DNAH14: variants seen among roughly 807,000 people sequenced by gnomAD.
DNAH14 encodes axonemal beta dynein heavy chain 14.
Under a neutral mutation model 520.9 loss-of-function variants are expected in DNAH14, and 478 were observed. The ratio of observed to expected loss-of-function variants is 0.92; its 90% CI spans 0.85 to 0.99. The LOEUF (loss-of-function observed/expected upper bound fraction) is 0.99. Among genes scored for constraint, DNAH14 ranks in the 50% least tolerant of loss-of-function variants. DNAH14 has a pLI of 0.00. For synonymous variants in DNAH14, 1,581 were observed against 1,757.2 expected (o/e 0.90, Z 2.51); for missense variants, 4,831 against 5,234.5 (o/e 0.92, Z 2.38).
Position 225,151,985 on chromosome 1 carries a change from A to C in DNAH14, c.4941-20A>C. 6 of 1,545,696 alleles carry C rather than the reference A, an allele frequency of 3.9e-6. No homozygotes were observed. Among genetic ancestry groups the C allele is most frequent in the Non-Finnish European group, 5.3e-6 (6 of 1,141,532 alleles). ...ACTAGAGAAAACAGTGCTAGTGATG[A>C]ATACTGTAATGTCTTTTAGGTTTGT... On this transcript the variant is annotated intron_variant, in intron 31 of 85. Transcript: ENST00000682510.
At chr1:225,086,373 A>T (rs1410121898) in intron 21 of DNAH14, among the ~76,000 whole-genome samples, 1 of 151,850 alleles carries the variant, frequency 6.6e-6, no homozygotes, top group Admixed American at 6.6e-5. Context: ...TGACCTCATG[A>T]TCTGCCCACC....
At chr1:225,396,814 A>C (rs1461072198) in intron 84 of DNAH14, 1 of 152,200 alleles carries the variant, frequency 6.6e-6, no homozygotes, top group Non-Finnish European at 1.5e-5. Flanking sequence ...TTTTCAGAGG[A>C]AAAACCCATG....
chr1:225,273,195 G>C (rs1181161344), intron 52 of DNAH14, 70 bp downstream of exon 52: 2 of 1,425,404 alleles, frequency 1.4e-6, no homozygotes, highest in Non-Finnish European at 9.3e-7. Flanking sequence ...CACTTTGGGA[G>C]GCCGAAGCGG....
At position 225,244,883 on chromosome 1, in the gene DNAH14, T is replaced by A. The variant is rs183475728; in HGVS notation, c.6748+4061T>A. 1.2e-4 allele frequency among the ~76,000 whole-genome samples: 19 copies of A among 152,276 alleles called. No individual in the cohort carries two copies. In the East Asian group the frequency reaches 3.7e-3, roughly 29 times the overall value. On this transcript the variant is annotated intron_variant, in intron 43 of 85. Transcript: ENST00000682510. ...CTCTGATCTTAGTTATTTCTTGTCT[T>A]CTGCTAGCTTTTGAATTTGTTTGCT...
Position 225,235,430 on chromosome 1 carries a change from G to A in DNAH14, c.6518+4279G>A, listed in dbSNP as rs633799. 2.6e-3 allele frequency among the ~76,000 whole-genome samples: 390 copies of A among 152,170 alleles called. 2 individuals are homozygous for A. The highest frequency in any genetic ancestry group is 8.6e-3 in the African/African-American group (359 of 41,528). The stretch of plus-strand genomic sequence containing the variant: ...TGGATAAGCTTTTTGATGTACTGCT[G>A]GATTTGGTTTGCCAGTATTTTTTTT... On this transcript the variant is annotated intron_variant, in intron 42 of 85. Transcript: ENST00000682510.
rs569388539 is a variant in DNAH14 at position 225,217,206 on chromosome 1, C to CTGCAGAACAGCAAATAT, written c.6439+10002_6439+10018dup. On this transcript the variant is annotated intron_variant, in intron 41 of 85. Transcript: ENST00000682510. Reference sequence around the variant, plus strand: ...TTTGCCTGGGTATCACCAGCGGAGGCTGCAGAACAGCAAATATTGCAGAAC... The same window carrying CTGCAGAACAGCAAATAT: ...TTTGCCTGGGTATCACCAGCGGAGGCTGCAGAACAGCAAATATTGCAGAACAGCAAATATTGCAGAAC... Among the ~76,000 whole-genome samples, 437 of 152,316 alleles carry CTGCAGAACAGCAAATAT rather than the reference C, an allele frequency of 2.9e-3. 1 individual carries two copies. The highest frequency in any genetic ancestry group is 6.8e-3 in the Middle Eastern group (2 of 294).
At chr1:225,219,843 G>T (rs1235956255) in intron 41 of DNAH14, among the ~76,000 whole-genome samples, 2 of 152,132 alleles carry the variant, frequency 1.3e-5, no homozygotes, top group Admixed American at 1.3e-4. Flanking sequence ...AAACCTGGCA[G>T]AGATGCAGAA....
At chr1:225,345,350 T>C (rs2150415712) in intron 69 of DNAH14, among the ~76,000 whole-genome samples, 1 of 152,184 alleles carries the variant, frequency 6.6e-6, no homozygotes, top group Non-Finnish European at 1.5e-5. Flanking sequence ...AAAAAGCAGT[T>C]GAGGAAAATG....
chr1:225,035,963 A>T (rs537187249), intron 11 of DNAH14, among the ~76,000 whole-genome samples: 1 of 152,080 alleles, frequency 6.6e-6, no homozygotes. Flanking sequence ...ATTGGGGTTT[A>T]TCTTTCCCTT....
intron 41 of DNAH14, among the ~76,000 whole-genome samples, chr1:225,222,201 C>T (rs116649098): frequency 0.047 from 7,119 of 152,224 alleles, 510 homozygotes; most frequent in African/African-American, 0.16. Flanking sequence ...AAAGAGACTG[C>T]GCTGTCAGTA....
At chr1:225,297,961 C>T (rs1002749959) in intron 55 of DNAH14, among the ~76,000 whole-genome samples, 1 of 151,610 alleles carries the variant, frequency 6.6e-6, no homozygotes, top group Admixed American at 6.6e-5. Context: ...GGGGGATGTA[C>T]CACAGGGCTG....
intron 8 of DNAH14, among the ~76,000 whole-genome samples, chr1:224,981,939 T>C (rs1022576835): frequency 6.6e-6 from 1 of 152,176 alleles, no homozygotes; most frequent in African/African-American, 2.4e-5. Flanking sequence ...ACATAACTTA[T>C]AATAATTGAA....
chr1:225,289,292 T>A (rs929754901), intron 54 of DNAH14, among the ~76,000 whole-genome samples: 1 of 152,110 alleles, frequency 6.6e-6, no homozygotes. Context: ...GAGAGTTGGA[T>A]GGTGATTGAC....
At chr1:225,042,711 T>C in intron 12 of DNAH14, 124 bp from the exon 13 acceptor site, 1 of 1,016,998 alleles carries the variant, frequency 9.8e-7, no homozygotes, top group Non-Finnish European at 1.4e-6. Flanking sequence ...TATTTGGTAA[T>C]ACAGTGTTAC....
intron 23 of DNAH14, among the ~76,000 whole-genome samples, chr1:225,115,929 G>A (rs768938827): frequency 6.6e-6 from 1 of 152,206 alleles, no homozygotes; most frequent in African/African-American, 2.4e-5. Context: ...TGTGATGTAT[G>A]CTATGATGGG....
intron 84 of DNAH14, chr1:225,398,151 A>G (rs1466341028): frequency 6.1e-6 from 1 of 164,632 alleles, no homozygotes; most frequent in Non-Finnish European, 1.3e-5. Flanking sequence ...ACAATGTTTG[A>G]GCACAGTGTA....
At position 225,335,627 on chromosome 1, in the gene DNAH14, A is replaced by G. The variant is rs577867854; in HGVS notation, c.10081-1639A>G. Among the ~76,000 whole-genome samples the G allele has an allele frequency of 2.4e-5, 3 of 126,470 alleles. 1 individual carries two copies. The highest frequency in any genetic ancestry group is 8.8e-5 in the African/African-American group (3 of 33,984). 83.0% of individuals were successfully genotyped at this position (126,470 alleles called of 152,430 possible). On this transcript the variant is annotated intron_variant, in intron 66 of 85. Coordinates refer to ENST00000682510, the MANE Select transcript of DNAH14 (RefSeq NM_001367479.1). ...TACGTATATGTGTATATACGCATAT[A>G]TACATATGTGCATATATGTATATAC... is the stretch of plus-strand genomic sequence containing the variant.
intron 41 of DNAH14, among the ~76,000 whole-genome samples, chr1:225,224,941 TC>T (rs1320584734): frequency 1.3e-5 from 2 of 152,206 alleles, no homozygotes; most frequent in African/African-American, 2.4e-5. Context: ...TTCTTTGACT[TC>T]AGCAATTGCT....
rs188585979 is a variant in DNAH14 at position 225,072,391 on chromosome 1, G to A, written c.2425-6816G>A. Among the ~76,000 whole-genome samples, 208 of 152,208 alleles carry A rather than the reference G, an allele frequency of 1.4e-3. 2 individuals are homozygous for A. The highest frequency in any genetic ancestry group is 0.012 in the Admixed American group (182 of 15,282). Reference sequence around the variant, plus strand: ...GTGTGTCTTTCAACTCTATCAGGTCGTTACATTCTTCTCTTTACTGGCTAT... The same window carrying A: ...GTGTGTCTTTCAACTCTATCAGGTCATTACATTCTTCTCTTTACTGGCTAT... On this transcript the variant is annotated intron_variant, in intron 17 of 85. Transcript: ENST00000682510.
Sources: gnomAD v4.1 joint callset for allele counts (sites outside exome capture counted in the v4.1 genomes callset) on GRCh38, gnomAD v4.1.1 for gene constraint, MANE v1.5 for transcripts, NCBI Gene and HGNC (gene_info 2026-07-23, HGNC 2026-07-21) for gene names.